The following CLTA variants were observed in gnomAD, a reference collection of about 807,000 sequenced individuals.
The protein encoded by CLTA is clathrin, light polypeptide (Lca).
A neutral mutation model predicts 26.9 loss-of-function variants in CLTA; 9 were observed. The ratio of observed to expected loss-of-function variants is 0.33; its 90% CI spans 0.20 to 0.58. The LOEUF is 0.58. Among genes scored for constraint, CLTA ranks in the 20% least tolerant of loss-of-function variants. CLTA has a pLI of 0.85. For missense variants in CLTA, 278 were observed against 294.2 expected (o/e 0.94, Z 0.40); for synonymous variants, 120 against 115.5 (o/e 1.04, Z -0.25).
intron 3 of CLTA, among the ~76,000 whole-genome samples, chr9:36,203,093 A>G (rs1355792052): frequency 6.6e-6 from 1 of 152,066 alleles, no homozygotes; most frequent in Admixed American, 6.6e-5. Flanking sequence ...TCGGCCTCCC[A>G]AAGTGTTGGG....
intron 1 of CLTA, among the ~76,000 whole-genome samples, chr9:36,193,895 T>A (rs1826881195): frequency 6.6e-6 from 1 of 152,030 alleles, no homozygotes; most frequent in Non-Finnish European, 1.5e-5. Flanking sequence ...GTGGGGGATA[T>A]TGAGGAAGAA....
chr9:36,208,953 CATA>C (rs1827880140), intron 4 of CLTA, among the ~76,000 whole-genome samples: 1 of 152,180 alleles, frequency 6.6e-6, no homozygotes, highest in South Asian at 2.1e-4. Flanking sequence ...ATTGAATCAA[CATA>C]ATGTATGTGA....
At chr9:36,210,031 C>G (rs1332540732) in intron 4 of CLTA, among the ~76,000 whole-genome samples, 1 of 152,144 alleles carries the variant, frequency 6.6e-6, no homozygotes, top group Non-Finnish European at 1.5e-5. Context: ...GGGCTTCTCC[C>G]CCTGACCCCC....
At chr9:36,211,540 G>T in intron 4 of CLTA, 63 bp from the exon 5 acceptor site, 1 of 1,529,914 alleles carries the variant, frequency 6.5e-7, no homozygotes, top group East Asian at 2.3e-5. Flanking sequence ...GTGTAGCAAG[G>T]CAGCCACCAG....
intron 4 of CLTA, among the ~76,000 whole-genome samples, chr9:36,204,538 A>G (rs1827606538): frequency 6.6e-6 from 1 of 152,198 alleles, no homozygotes; most frequent in Non-Finnish European, 1.5e-5. Context: ...AGACTTGGTC[A>G]TGTTGAGTCT....
intron 3 of CLTA, among the ~76,000 whole-genome samples, chr9:36,203,512 C>T (rs190958684): frequency 6.6e-6 from 1 of 152,114 alleles, no homozygotes; most frequent in Non-Finnish European, 1.5e-5. Flanking sequence ...CTAATAGCAC[C>T]CTGCCTCACA....
chr9:36,206,317 A>G (rs766332208), intron 4 of CLTA, among the ~76,000 whole-genome samples: 27 of 152,252 alleles, frequency 1.8e-4, no homozygotes, highest in Admixed American at 3.3e-4. Context: ...CTAGTGGCAC[A>G]CTAGCCATTG....
chr9:36,198,643 T>C (rs1471812253), intron 2 of CLTA, among the ~76,000 whole-genome samples: 3 of 148,618 alleles, frequency 2.0e-5, no homozygotes, highest in Non-Finnish European at 4.4e-5. Flanking sequence ...ATTGCGCCAC[T>C]GCACTCCAGT....
rs146045955 is a variant in CLTA, at chr9:36,211,641, C to T, written c.524C>T (p.Ser175Leu). ...GCCTTTGTAAATGACATTGACGAGT[C>T]GTCCCCAGGCACTGAGTGGGAACGG... Reference protein sequence around the residue: ...EEAFVNDIDESSPGTEWERVA... With the variant: ...EEAFVNDIDELSPGTEWERVA... The change falls in exon 5 of 5, where the codon TCG becomes TTG. Residue 175 changes from serine to leucine, a missense_variant. By Grantham distance (145) the Ser-to-Leu change is moderately radical. Coordinates refer to ENST00000345519, the MANE Select transcript of CLTA (RefSeq NM_001833.4). The T allele has an allele frequency of 6.8e-6, 11 of 1,613,582 alleles. No homozygotes were observed. The highest frequency in any genetic ancestry group is 1.1e-5 in the South Asian group (1 of 91,036).
intron 4 of CLTA, among the ~76,000 whole-genome samples, chr9:36,208,418 T>A (rs1288635636): frequency 6.6e-6 from 1 of 152,084 alleles, no homozygotes; most frequent in Admixed American, 6.5e-5. Flanking sequence ...GCCAATTGAG[T>A]CTGGTGTAAA....
In CLTA at chr9:36,212,018, T is replaced by G; in HGVS notation, c.*244T>G. The G allele has an allele frequency of 1.5e-6, 1 of 658,504 alleles. No individual in the cohort carries two copies. The highest frequency in any genetic ancestry group is 2.8e-6 in the Non-Finnish European group (1 of 360,256). 40.8% of individuals were successfully genotyped at this position (658,504 alleles called of 1,614,324 possible). On this transcript the variant is annotated 3_prime_UTR_variant, in exon 5 of 5. Transcript: ENST00000345519. ...CCCAAGAGTAGCCTCAACCTGTGCT[T>G]CTGTGCATTATTCTGAGAATAAATT...
intron 2 of CLTA, 130 bp from the exon 3 acceptor site, chr9:36,198,849 G>A (rs1456190371): frequency 1.3e-5 from 7 of 554,350 alleles, no homozygotes; most frequent in African/African-American, 3.9e-5. Flanking sequence ...CTCCAGCCTT[G>A]GCGACAAGAG....
rs1828068317 is a variant in CLTA at position 36,211,913 on chromosome 9, G to T, written c.*139G>T. The T allele has an allele frequency of 1.3e-6, 1 of 749,236 alleles. No homozygotes were observed. The highest frequency in any genetic ancestry group is 2.2e-6 in the Non-Finnish European group (1 of 451,444). 46.4% of individuals were successfully genotyped at this position (749,236 alleles called of 1,614,324 possible). A position where few individuals can be genotyped will look rare whatever the true frequency, so the allele number is the denominator to read the frequency against. Reference sequence around the variant, plus strand: ...TTAGAGTTGTTCATTGTTTGTGATTGCATGTTTCCTTCCTTCAACTGTGTT... The same window carrying T: ...TTAGAGTTGTTCATTGTTTGTGATTTCATGTTTCCTTCCTTCAACTGTGTT... On this transcript the variant is annotated 3_prime_UTR_variant, in exon 5 of 5. Coordinates refer to ENST00000345519, the MANE Select transcript of CLTA (RefSeq NM_001833.4).
chr9:36,198,864 A>G (rs1027512958), intron 2 of CLTA, 115 bp from the exon 3 acceptor site: 3 of 632,642 alleles, frequency 4.7e-6, no homozygotes, highest in Admixed American at 2.4e-5. Flanking sequence ...CAAGAGTGAA[A>G]ACTCTGTCTC....
At chr9:36,202,125 AAAG>A (rs1827450012) in intron 3 of CLTA, among the ~76,000 whole-genome samples, 1 of 152,140 alleles carries the variant, frequency 6.6e-6, no homozygotes, top group Non-Finnish European at 1.5e-5. Flanking sequence ...AAAACAAAAA[AAAG>A]TTTACTGTAT....
rs571588359 is a variant in CLTA at position 36,202,939 on chromosome 9, A to G, written c.374-1129A>G. Among the ~76,000 whole-genome samples the G allele has an allele frequency of 2.6e-4, 40 of 151,652 alleles. No individual in the cohort carries two copies. The South Asian group carries it at 7.7e-3, about 29-fold the overall frequency. ...CAGATTCAAGCGATTCTCCTGCCTCAGCCTCCCCAGTAATCCCCAGTAGCT... is the reference window on the plus strand; with the variant it reads ...CAGATTCAAGCGATTCTCCTGCCTCGGCCTCCCCAGTAATCCCCAGTAGCT... On this transcript the variant is annotated intron_variant, in intron 3 of 4. Coordinates refer to ENST00000345519, the MANE Select transcript of CLTA (RefSeq NM_001833.4).
chr9:36,201,066 G>T (rs1047754483), intron 3 of CLTA, among the ~76,000 whole-genome samples: 8 of 152,108 alleles, frequency 5.3e-5, no homozygotes, highest in African/African-American at 1.9e-4. Flanking sequence ...AGTCTACTTT[G>T]GTGTCTGGAA....
At chr9:36,192,333 T>C (rs1826784161) in intron 1 of CLTA, among the ~76,000 whole-genome samples, 1 of 152,196 alleles carries the variant, frequency 6.6e-6, no homozygotes, top group South Asian at 2.1e-4. Context: ...TGCACTATAG[T>C]AGTGCTCTGT....
chr9:36,196,036 G>A (rs1331518973), intron 1 of CLTA, among the ~76,000 whole-genome samples: 1 of 152,108 alleles, frequency 6.6e-6, no homozygotes, highest in African/African-American at 2.4e-5. Flanking sequence ...AGCACTTTGG[G>A]AGGCTGAGGT....
Sources: allele counts gnomAD v4.1 joint callset (sites outside exome capture counted in the v4.1 genomes callset), GRCh38; gene constraint gnomAD v4.1.1; transcripts MANE v1.5; gene names NCBI Gene and HGNC (gene_info 2026-07-23, HGNC 2026-07-21).